Variants in PATJ observed in about 807,000 individuals in gnomAD.
PATJ encodes PATJ crumbs cell polarity complex component.
In PATJ, 190 loss-of-function variants were observed where a neutral mutation model predicts 224.9. The ratio of observed to expected loss-of-function variants is 0.84; its 90% CI spans 0.75 to 0.95. PATJ has a LOEUF of 0.95. PATJ is among the 40% of genes least tolerant of loss of function. PATJ has a pLI of 0.00. For missense variants in PATJ, 2,121 were observed against 2,270.3 expected (o/e 0.93, Z 1.34); for synonymous variants, 769 against 820.3 (o/e 0.94, Z 1.07).
rs921493320 is a variant in PATJ, at chr1:61,985,914, A to G, written c.3671-4254A>G. Among the ~76,000 whole-genome samples, 5 of 152,186 alleles carry G rather than the reference A, an allele frequency of 3.3e-5. No homozygotes were observed. In the East Asian group the frequency reaches 9.6e-4, roughly 29 times the overall value. ...TAACTTTAAAACTCGACATAACTAT[A>G]TCATGGAAACAAAAATCATGAGATT... On this transcript the variant is annotated intron_variant, in intron 27 of 43. Transcript: ENST00000642238.
At chr1:61,966,414 G>C (rs954679197) in intron 27 of PATJ, among the ~76,000 whole-genome samples, 37 of 152,082 alleles carry the variant, frequency 2.4e-4, no homozygotes, top group African/African-American at 8.2e-4. Flanking sequence ...GGCCAAATGC[G>C]GTGTCTCACA....
intron 10 of PATJ, among the ~76,000 whole-genome samples, chr1:61,796,745 TTTTCTTCC>T (rs1651376094): frequency 1.4e-5 from 2 of 140,230 alleles, no homozygotes; most frequent in African/African-American, 2.8e-5. Flanking sequence ...TCTTTCTTTT[TTTTCTTCC>T]TTTCTTCCTT....
rs185746138 is a variant in PATJ at position 61,968,267 on chromosome 1, C to G, written c.3671-21901C>G. Among the ~76,000 whole-genome samples the G allele has an allele frequency of 1.1e-3, 160 of 152,166 alleles. 3 individuals are homozygous for G. The highest frequency in any genetic ancestry group is 0.01 in the Admixed American group (157 of 15,280). ...TTTAGGTGTATGGGATAGATGCTTT[C>G]TTTCATTCGGTGGCTTTTCTTTAGA... On this transcript the variant is annotated intron_variant, in intron 27 of 43. Coordinates refer to ENST00000642238, the MANE Select transcript of PATJ (RefSeq NM_001350145.3).
At chr1:61,904,376 T>C (rs940813479) in intron 24 of PATJ, among the ~76,000 whole-genome samples, 1 of 152,232 alleles carries the variant, frequency 6.6e-6, no homozygotes, top group African/African-American at 2.4e-5. Flanking sequence ...TAATATCTTA[T>C]ACAACTATAC....
chr1:61,822,174 A>G lies in PATJ; in HGVS notation c.1684-771A>G, dbSNP rs138040209. On this transcript the variant is annotated intron_variant, in intron 14 of 43. Transcript: ENST00000642238. ...GGCTGAAGTTATGGAGATTAAAGGT[A>G]CAGACTCTGCATTCAGGTAAGGAGT... 7.7e-3 allele frequency among the ~76,000 whole-genome samples: 1,173 copies of G among 152,306 alleles called. 18 individuals carry two copies. The highest frequency in any genetic ancestry group is 0.026 in the African/African-American group (1,061 of 41,570).
intron 26 of PATJ, among the ~76,000 whole-genome samples, chr1:61,917,748 G>A (rs1673648272): frequency 6.6e-6 from 1 of 151,998 alleles, no homozygotes; most frequent in South Asian, 2.1e-4. Flanking sequence ...TTCTCTGAGA[G>A]TTTGTATAAA....
Position 62,148,374 on chromosome 1 carries a change from C to A in PATJ, c.5362C>A (p.His1788Asn). Residue 1788 changes from histidine (H) to asparagine (N), a missense_variant, in exon 42 of 44, where the codon CAT (histidine) becomes AAT (asparagine). His to Asn is a moderately conservative substitution (Grantham distance 68, BLOSUM62 1). Coordinates refer to ENST00000642238, the MANE Select transcript of PATJ (RefSeq NM_001350145.3). ...YHLGSPTAEH[H>N]PEDTETPPPK... Reference sequence around the variant, plus strand: ...CCTTGGTTCGCCCACTGCTGAACACCATCCAGAAGACACAGAGTGAGTATT... The same window carrying A: ...CCTTGGTTCGCCCACTGCTGAACACAATCCAGAAGACACAGAGTGAGTATT... 6.2e-7 allele frequency: 1 copy of A among 1,611,806 alleles called. No homozygotes were observed. The highest frequency in any genetic ancestry group is 8.5e-7 in the Non-Finnish European group (1 of 1,177,992).
rs1445746545 is a variant in PATJ at position 62,095,804 on chromosome 1, T to G, written c.4377+11156T>G. Among the ~76,000 whole-genome samples the G allele has an allele frequency of 2.0e-5, 3 of 152,280 alleles. No individual in the cohort carries two copies. In the East Asian group the frequency reaches 5.8e-4, roughly 29 times the overall value. On this transcript the variant is annotated intron_variant, in intron 33 of 43. Transcript: ENST00000642238. ...TGATTAGTGAAGAGTGAACCATTGC[T>G]GCTAGGGGAAATACAGAGGCAGGTT...
In PATJ at chr1:61,884,234, C is replaced by A. The variant is rs753311423; in HGVS notation, c.2960-3C>A. 1.3e-6 allele frequency: 2 copies of A among 1,592,068 alleles called. No individual in the cohort carries two copies. Among genetic ancestry groups the A allele is most frequent in the Non-Finnish European group, 1.7e-6 (2 of 1,170,974 alleles). ...TTCACTGTCATCTGGATTTGCTCTT[C>A]AGGCATGATCCCGAATGATGTCCAA... On this transcript the variant is annotated splice_region_variant and splice_polypyrimidine_tract_variant and intron_variant, in intron 21 of 43. Transcript: ENST00000642238.
chr1:62,020,664 C>T (rs944235236), intron 29 of PATJ, among the ~76,000 whole-genome samples: 5 of 152,152 alleles, frequency 3.3e-5, no homozygotes, highest in Non-Finnish European at 1.5e-5. Flanking sequence ...TAATGGTATA[C>T]ACAAGATTAA....
At chr1:61,911,425 G>T (rs1290806713) in intron 25 of PATJ, among the ~76,000 whole-genome samples, 2 of 151,972 alleles carry the variant, frequency 1.3e-5, no homozygotes, top group Non-Finnish European at 2.9e-5. Context: ...TGTTGGTCAG[G>T]CTGGTTTCGA....
intron 22 of PATJ, among the ~76,000 whole-genome samples, chr1:61,890,637 C>T (rs574738991): frequency 6.6e-6 from 1 of 152,174 alleles, no homozygotes; most frequent in Non-Finnish European, 1.5e-5. Flanking sequence ...GCTGGGATCA[C>T]AGGCACCTGC....
rs1368372835 is a variant in PATJ, at chr1:61,835,832, TTAA to T, written c.2112+2052_2112+2054del. Among the ~76,000 whole-genome samples the T allele has an allele frequency of 2.0e-5, 3 of 152,236 alleles. No homozygotes were observed. In the South Asian group the frequency reaches 6.2e-4, roughly 31 times the overall value. On this transcript the variant is annotated intron_variant, in intron 17 of 43. Transcript: ENST00000642238. ...AATGAACAGATTTAATGGGAATTTG[TTAA>T]TAATCGATTTTGATAATTGGGATTT...
chr1:62,000,937 T>G (rs35225608), intron 28 of PATJ, among the ~76,000 whole-genome samples: 21,594 of 150,222 alleles, frequency 0.14, 1,971 homozygotes, highest in Non-Finnish European at 0.2. Context: ...TTTGCATTTC[T>G]CTGATGGCCA....
intron 41 of PATJ, among the ~76,000 whole-genome samples, chr1:62,142,963 A>G (rs1667651870): frequency 6.6e-6 from 1 of 152,240 alleles, no homozygotes; most frequent in Non-Finnish European, 1.5e-5. Context: ...TATATTTGAA[A>G]AGGTAACTGG....
intron 31 of PATJ, among the ~76,000 whole-genome samples, chr1:62,076,009 C>T (rs971739934): frequency 2.0e-5 from 3 of 151,922 alleles, no homozygotes; most frequent in African/African-American, 7.2e-5. Flanking sequence ...GGTTCTTAAC[C>T]CTGTTTTATA....
intron 17 of PATJ, among the ~76,000 whole-genome samples, chr1:61,845,721 A>G (rs1661832125): frequency 6.6e-6 from 1 of 152,134 alleles, no homozygotes; most frequent in African/African-American, 2.4e-5. Flanking sequence ...AGAGCAAAAC[A>G]CTGCAGAATC....
rs59299056 is a variant in PATJ at position 61,974,934 on chromosome 1, T to TTTTTG, written c.3671-15209_3671-15205dup. On this transcript the variant is annotated intron_variant, in intron 27 of 43. Transcript: ENST00000642238. ...AAGTGTGATTTCACTGTTGGTTGTT[T>TTTTTG]TTTTGTTTTGTTTTGTTTTGTTTTG... Among the ~76,000 whole-genome samples the TTTTTG allele has an allele frequency of 1.0e-3, 154 of 151,986 alleles. 3 individuals carry two copies. Among genetic ancestry groups the TTTTTG allele is most frequent in the African/African-American group, 3.0e-3 (123 of 41,368 alleles).
At position 61,813,346 on chromosome 1, in the gene PATJ, T is replaced by G. The variant is rs1331244777; in HGVS notation, c.1683+4816T>G. The stretch of plus-strand genomic sequence containing the variant: ...TCTATGGAATGTACATATATATATA[T>G]ATATATATATATATATATATATATA... On this transcript the variant is annotated intron_variant, in intron 14 of 43. Coordinates refer to ENST00000642238, the MANE Select transcript of PATJ (RefSeq NM_001350145.3). Among the ~76,000 whole-genome samples, 33 of 49,118 alleles carry G rather than the reference T, an allele frequency of 6.7e-4. 1 individual carries two copies. Among genetic ancestry groups the G allele is most frequent in the East Asian group, 2.4e-3 (6 of 2,452 alleles). 32.2% of individuals were successfully genotyped at this position (49,118 alleles called of 152,430 possible). A position where few individuals can be genotyped will look rare whatever the true frequency, so the allele number is the denominator to read the frequency against.
Sources: gnomAD v4.1 joint callset for allele counts (sites outside exome capture counted in the v4.1 genomes callset) on GRCh38, gnomAD v4.1.1 for gene constraint, MANE v1.5 for transcripts, NCBI Gene and HGNC (gene_info 2026-07-23, HGNC 2026-07-21) for gene names.